SLBP: variants seen among roughly 807,000 people sequenced by gnomAD.
SLBP encodes histone RNA hairpin-binding protein.
Under a neutral mutation model 39.2 loss-of-function variants are expected in SLBP, and 29 were observed. The ratio of observed to expected loss-of-function variants is 0.74; its 90% CI spans 0.55 to 1.01. The LOEUF (loss-of-function observed/expected upper bound fraction) is 1.01. Ranked by LOEUF, SLBP falls within the 50% of genes least tolerant of loss-of-function variation. The pLI is 0.00. For synonymous variants in SLBP, 129 were observed against 118.7 expected, an observed-to-expected ratio of 1.09 and a Z score of -0.57; for missense variants, 390 against 350.2, an observed-to-expected ratio of 1.11 and a Z score of -0.91.
intron 3 of SLBP, among the ~76,000 whole-genome samples, chr4:1,702,298 T>C (rs1230024032): frequency 6.6e-6 from 1 of 152,242 alleles, no homozygotes; most frequent in Non-Finnish European, 1.5e-5. Flanking sequence ...TCCTAGTTCA[T>C]TTCTTCTACC....
At chr4:1,694,712 G>T in intron 7 of SLBP, 62 bp downstream of exon 7, 1 of 1,178,710 alleles carries the variant, frequency 8.5e-7, no homozygotes, top group Non-Finnish European at 1.3e-6. Context: ...TTATAAGGCA[G>T]CATGTGTTAT....
At chr4:1,706,357 T>G (rs1716516688) in intron 2 of SLBP, among the ~76,000 whole-genome samples, 1 of 152,194 alleles carries the variant, frequency 6.6e-6, no homozygotes, top group South Asian at 2.1e-4. Flanking sequence ...TTCAGAATGT[T>G]ATGTACACTA....
intron 2 of SLBP, among the ~76,000 whole-genome samples, chr4:1,704,212 G>C (rs1716435227): frequency 6.6e-6 from 1 of 152,146 alleles, no homozygotes; most frequent in Non-Finnish European, 1.5e-5. Context: ...GTTCATCTCT[G>C]GTATGTGTTT....
chr4:1,696,605 A>C (rs1012318757), intron 5 of SLBP, among the ~76,000 whole-genome samples: 3 of 151,982 alleles, frequency 2.0e-5, no homozygotes, highest in African/African-American at 7.3e-5. Context: ...CAGAACAAAA[A>C]AACAGCTAGG....
Position 1,694,853 on chromosome 4 carries a change from A to T in SLBP, c.630-13T>A. Reference sequence around the variant, plus strand: ...GTCTACAGGGTGTCTGTTAAACAAGATCCAACATGTGCGTCAGGCACTAAC... The same window carrying T: ...GTCTACAGGGTGTCTGTTAAACAAGTTCCAACATGTGCGTCAGGCACTAAC... On this transcript the variant is annotated splice_polypyrimidine_tract_variant and intron_variant, in intron 6 of 7. Coordinates refer to ENST00000489418, the MANE Select transcript of SLBP (RefSeq NM_006527.4). 6.2e-7 allele frequency: 1 copy of T among 1,603,106 alleles called. No homozygotes were observed. The highest frequency in any genetic ancestry group is 8.5e-7 in the Non-Finnish European group (1 of 1,170,048).
At chr4:1,709,957 C>T (rs982553334) in intron 2 of SLBP, among the ~76,000 whole-genome samples, 7 of 151,934 alleles carry the variant, frequency 4.6e-5, no homozygotes, top group African/African-American at 7.3e-5. Context: ...ACCGCAACTC[C>T]GGGCCTTTTG....
chr4:1,712,250 G>A lies in SLBP; in HGVS notation c.-62C>T. The A allele has an allele frequency of 9.2e-7, 1 of 1,081,618 alleles. No homozygotes were observed. The highest frequency in any genetic ancestry group is 1.2e-6 in the Non-Finnish European group (1 of 831,942). The allele number at this position is 1,081,618 out of a possible 1,614,324, so 67.0% of individuals were successfully genotyped here. On this transcript the variant is annotated 5_prime_UTR_variant, in exon 1 of 8. Transcript: ENST00000489418. ...CTGAGGCGGCGGCGGCGCGGGCAGA[G>A]AGCGCAGAGTAGAGCAGGGCAGGGC...
intron 4 of SLBP, 152 bp downstream of exon 4, chr4:1,699,859 T>G: frequency 1.3e-6 from 1 of 786,848 alleles, no homozygotes; most frequent in East Asian, 2.6e-5. Context: ...GTATGGGAAT[T>G]TAGTACACAA....
At chr4:1,697,286 G>C (rs1716146138) in intron 5 of SLBP, among the ~76,000 whole-genome samples, 1 of 150,476 alleles carries the variant, frequency 6.6e-6, no homozygotes, top group Non-Finnish European at 1.5e-5. Flanking sequence ...TGGCCAACAG[G>C]GTGAAACCCT....
intron 5 of SLBP, among the ~76,000 whole-genome samples, chr4:1,696,897 C>CAAA (rs535700408): frequency 2.0e-5 from 2 of 100,606 alleles, no homozygotes; most frequent in South Asian, 3.5e-4. Flanking sequence ...ACTTCACCTC[C>CAAA]AAAAAAAAAA....
At chr4:1,699,761 G>C (rs1374178396) in intron 4 of SLBP, 60 bp from the exon 5 acceptor site, 6 of 1,510,070 alleles carry the variant, frequency 4.0e-6, no homozygotes, top group Admixed American at 1.8e-5. Context: ...TGTATGTAAG[G>C]TAAGCCAAGA....
At chr4:1,701,037 T>C (rs1716304261) in intron 3 of SLBP, among the ~76,000 whole-genome samples, 1 of 152,182 alleles carries the variant, frequency 6.6e-6, no homozygotes, top group Admixed American at 6.5e-5. Flanking sequence ...CTTTGTACGA[T>C]TCAGAGATTA....
chr4:1,704,232 T>G (rs1047594558), intron 2 of SLBP, among the ~76,000 whole-genome samples: 11 of 152,224 alleles, frequency 7.2e-5, no homozygotes, highest in African/African-American at 2.4e-4. Flanking sequence ...TATAAAGTCA[T>G]TAAGATGGGA....
rs772132890 is a variant in SLBP, at chr4:1,700,046, A to G, written c.306T>C (p.Asn102=). 6.2e-7 allele frequency: 1 copy of G among 1,601,234 alleles called. No homozygotes were observed. Among genetic ancestry groups the G allele is most frequent in the Non-Finnish European group, 8.5e-7 (1 of 1,171,176 alleles). ...MARYKRKLLI[N]DFGRERKSSS... The stretch of plus-strand genomic sequence containing the variant: ...ATGATTTTCTCTCTCTTCCAAAGTC[A>G]TTGATGAGGAGTTTCCTTTTATATC... The change falls in exon 4 of 8, where the codon AAT becomes AAC. Residue 102 remains asparagine (N), a synonymous_variant. Coordinates refer to ENST00000489418, the MANE Select transcript of SLBP (RefSeq NM_006527.4).
chr4:1,708,764 G>C (rs1038583160), intron 2 of SLBP, among the ~76,000 whole-genome samples: 2 of 152,168 alleles, frequency 1.3e-5, no homozygotes, highest in Admixed American at 1.3e-4. Flanking sequence ...CTTCCAAAGA[G>C]TACTTCTAGA....
intron 3 of SLBP, 22 bp downstream of exon 3, chr4:1,703,574 C>T (rs2108661732): frequency 7.0e-7 from 1 of 1,428,602 alleles, no homozygotes; most frequent in Non-Finnish European, 9.9e-7. Context: ...ATTAACACTT[C>T]AAGGTGGTCC....
At chr4:1,694,331 C>T (rs1321496115) in intron 7 of SLBP, among the ~76,000 whole-genome samples, 1 of 152,152 alleles carries the variant, frequency 6.6e-6, no homozygotes, top group African/African-American at 2.4e-5. Context: ...GATCTGCCTG[C>T]CTCAGCCTCC....
chr4:1,694,431 G>A (rs1716031353), intron 7 of SLBP, among the ~76,000 whole-genome samples: 1 of 146,204 alleles, frequency 6.8e-6, no homozygotes, highest in Admixed American at 6.9e-5. Flanking sequence ...TTGCTCTGTT[G>A]CCCAGGCTGG....
At chr4:1,698,656 T>C (rs1021615597) in intron 5 of SLBP, among the ~76,000 whole-genome samples, 4 of 151,692 alleles carry the variant, frequency 2.6e-5, no homozygotes, top group Non-Finnish European at 4.4e-5. Context: ...AGCAAATTTC[T>C]TGTATTTTTA....
Sources: gnomAD v4.1 joint callset for allele counts (sites outside exome capture counted in the v4.1 genomes callset) on GRCh38, gnomAD v4.1.1 for gene constraint, MANE v1.5 for transcripts, NCBI Gene and HGNC (gene_info 2026-07-23, HGNC 2026-07-21) for gene names.